Variants in ZC4H2 observed in about 807,000 individuals in gnomAD.
The protein encoded by ZC4H2 is zinc finger C4H2 domain-containing protein.
For synonymous variants in ZC4H2, 84 were observed against 66.3 expected, an observed-to-expected ratio of 1.27 and a Z score of -1.30; for missense variants, 137 against 173.9, an observed-to-expected ratio of 0.79 and a Z score of 1.19.
intron 1 of ZC4H2, chrX:64,965,431 A>G (rs558104685): frequency 8.0e-5 from 25 of 311,973 alleles, no homozygotes; most frequent in South Asian, 7.0e-4. Context: ...TCCAAATGCA[A>G]AAGAAAATCC....
chrX:64,948,667 A>G (rs954508235), intron 1 of ZC4H2, among the ~76,000 whole-genome samples: 1 of 112,042 alleles, frequency 8.9e-6, no homozygotes, highest in South Asian at 3.7e-4. Context: ...AATTAAAATT[A>G]CTTACTTGCC....
Position 65,024,981 on chromosome X carries a change from C to T in ZC4H2, c.-272+9648G>A, listed in dbSNP as rs914135527. On this transcript the variant is annotated intron_variant, in intron 1 of 4. Transcript: ENST00000337990. Reference sequence around the variant, plus strand: ...GGTCTAATATATCCACATAACAATCCTACACATGTACTCCCCGTATTTAAA... The same window carrying T: ...GGTCTAATATATCCACATAACAATCTTACACATGTACTCCCCGTATTTAAA... Among the ~76,000 whole-genome samples the T allele has an allele frequency of 1.0e-4, 11 of 110,441 alleles. No individual in the cohort carries two copies. In the East Asian group the frequency reaches 1.1e-3, roughly 11 times the overall value.
intron 1 of ZC4H2, among the ~76,000 whole-genome samples, chrX:64,975,258 T>A (rs1478109891): frequency 1.8e-5 from 2 of 110,720 alleles, no homozygotes; most frequent in African/African-American, 6.6e-5. Flanking sequence ...GATAGTTCCC[T>A]TCCTTTACCT....
At chrX:64,980,972 T>TG (rs1264461855), upstream of ZC4H2, among the ~76,000 whole-genome samples, 1 of 110,839 alleles carries the variant, frequency 9.0e-6, no homozygotes, top group East Asian at 2.8e-4. Flanking sequence ...TTAGTTAGGA[T>TG]GGTCAGGGAA....
At chrX:64,970,893 C>T (rs770261509) in intron 1 of ZC4H2, among the ~76,000 whole-genome samples, 26 of 111,251 alleles carry the variant, frequency 2.3e-4, no homozygotes, top group Non-Finnish European at 4.0e-4. Flanking sequence ...GACAGATTTC[C>T]GGGGAGGCAG....
At chrX:65,006,655 A>G (rs776438549) in intron 1 of ZC4H2, among the ~76,000 whole-genome samples, 24 of 111,742 alleles carry the variant, frequency 2.1e-4, no homozygotes, top group African/African-American at 7.2e-4. Flanking sequence ...ACATGTATAC[A>G]TATGCAATAA....
At position 64,983,225 on chromosome X, in the gene ZC4H2, G is replaced by A. The variant is rs143026916; in HGVS notation, c.-272+51404C>T. Among the ~76,000 whole-genome samples, 254 of 111,747 alleles carry A rather than the reference G, an allele frequency of 2.3e-3. 2 individuals are homozygous for A. The highest frequency in any genetic ancestry group is 7.7e-3 in the African/African-American group (237 of 30,773). The stretch of plus-strand genomic sequence containing the variant: ...CCCCTCTATGGGTTTTGGTCTTCTC[G>A]TATGGAAAATGGAAATGATAGTAAT... On this transcript the variant is annotated intron_variant, in intron 1 of 4. Coordinates refer to the ZC4H2 transcript ENST00000337990.
intron 1 of ZC4H2, among the ~76,000 whole-genome samples, chrX:65,022,703 A>G (rs184308311): frequency 8.9e-6 from 1 of 111,991 alleles, no homozygotes; most frequent in African/African-American, 3.2e-5. Flanking sequence ...CACAATTGCT[A>G]CAAAGAATTA....
chrX:64,935,447 C>T (rs1929959931), intron 1 of ZC4H2, among the ~76,000 whole-genome samples: 1 of 112,028 alleles, frequency 8.9e-6, no homozygotes, highest in Non-Finnish European at 1.9e-5. Context: ...GAGCAGTGGA[C>T]CTCCCAGCAC....
intron 1 of ZC4H2, among the ~76,000 whole-genome samples, chrX:64,972,471 A>T (rs1384092771): frequency 6.2e-5 from 7 of 112,259 alleles, no homozygotes; most frequent in Non-Finnish European, 1.1e-4. Context: ...TTTAACAGAA[A>T]TATGCTGCTA....
chrX:64,997,128 G>A (rs954437076), intron 1 of ZC4H2, among the ~76,000 whole-genome samples: 4 of 112,143 alleles, frequency 3.6e-5, no homozygotes, highest in African/African-American at 1.3e-4. Flanking sequence ...CTGTATATGG[G>A]ATCCTCAATA....
At chrX:64,919,936 T>C (rs1353007576) in intron 3 of ZC4H2, 145 bp downstream of exon 3, 3 of 545,179 alleles carry the variant, frequency 5.5e-6, no homozygotes, top group African/African-American at 2.4e-5. Flanking sequence ...AGTAAGCCAC[T>C]GAAAGGCCTG....
At chrX:64,972,145 A>T (rs1931802459) in intron 1 of ZC4H2, among the ~76,000 whole-genome samples, 1 of 111,618 alleles carries the variant, frequency 9.0e-6, no homozygotes, top group Admixed American at 9.5e-5. Context: ...TCCAAGGAAA[A>T]CATGGGCAAA....
chrX:64,928,639 CTT>C (rs1929549891), intron 1 of ZC4H2, among the ~76,000 whole-genome samples: 1 of 65,599 alleles, frequency 1.5e-5, no homozygotes, highest in Non-Finnish European at 3.5e-5. Flanking sequence ...TCTCCTTCTT[CTT>C]CTTCTTCTTC....
intron 1 of ZC4H2, among the ~76,000 whole-genome samples, chrX:64,974,096 A>G (rs905583077): frequency 2.7e-5 from 3 of 111,742 alleles, no homozygotes; most frequent in Non-Finnish European, 5.7e-5. Flanking sequence ...TTGTTGGCAT[A>G]AATGTTAAAG....
chrX:64,978,551 A>C (rs773997634), upstream of ZC4H2, among the ~76,000 whole-genome samples: 1 of 111,679 alleles, frequency 9.0e-6, no homozygotes, highest in African/African-American at 3.3e-5. Context: ...TGATATGTAC[A>C]ATCTATCATT....
intron 1 of ZC4H2, among the ~76,000 whole-genome samples, chrX:64,997,309 T>C (rs760042202): frequency 5.4e-5 from 6 of 112,115 alleles, no homozygotes; most frequent in Non-Finnish European, 9.4e-5. Flanking sequence ...GGTGAGGGAA[T>C]TCATTAACAC....
rs765508703 is a variant in ZC4H2, at chrX:64,950,774, A to G, written c.53+25551T>C. 4.5e-5 allele frequency among the ~76,000 whole-genome samples: 5 copies of G among 110,927 alleles called. No individual in the cohort carries two copies. The East Asian group carries it at 1.4e-3, about 31-fold the overall frequency. ...GTGAGATGGGTTTCCTGAATACAGC[A>G]CACTGATGGCTCTGGATTCTTTTTT... On this transcript the variant is annotated intron_variant, in intron 1 of 4. Transcript: ENST00000374839.
chrX:64,954,329 TA>T (rs1931037131), intron 1 of ZC4H2, among the ~76,000 whole-genome samples: 1 of 76,918 alleles, frequency 1.3e-5, no homozygotes, highest in African/African-American at 6.6e-5. Context: ...TATATATATA[TA>T]TATATATAAT....
Sources: gnomAD v4.1 joint callset for allele counts (sites outside exome capture counted in the v4.1 genomes callset) on GRCh38, gnomAD v4.1.1 for gene constraint, MANE v1.5 for transcripts, NCBI Gene and HGNC (gene_info 2026-07-23, HGNC 2026-07-21) for gene names.